AS3MT: variants seen among roughly 807,000 people sequenced by gnomAD.
The protein encoded by AS3MT is S-adenosyl-L-methionine:arsenic(III) methyltransferase.
Under a neutral mutation model 45.3 loss-of-function variants are expected in AS3MT, and 47 were observed. The observed-to-expected ratio is 1.04, with a 90% confidence interval of 0.82 to 1.32. AS3MT has a LOEUF of 1.32. AS3MT is among the 40% of genes most tolerant of loss of function. The pLI, the probability that AS3MT is intolerant of heterozygous loss-of-function variation, is 0.00. For synonymous variants in AS3MT, 141 were observed against 152.8 expected, an observed-to-expected ratio of 0.92 and a Z score of 0.57; for missense variants, 396 against 451.1, an observed-to-expected ratio of 0.88 and a Z score of 1.11.
intron 3 of AS3MT, 110 bp from the exon 4 acceptor site, chr10:102,872,338 G>A (rs574687813): frequency 1.8e-5 from 21 of 1,158,608 alleles, no homozygotes; most frequent in Non-Finnish European, 2.6e-5. Flanking sequence ...AAGAAAGAAG[G>A]AAGGAAGGAA....
chr10:102,869,962 T>G (rs1844650219), intron 2 of AS3MT, 117 bp downstream of exon 2: 1 of 1,563,326 alleles, frequency 6.4e-7, no homozygotes, highest in East Asian at 2.2e-5. Context: ...GGTCTAGGCT[T>G]CGACCTTTCC....
chr10:102,872,118 C>G (rs187478024), intron 3 of AS3MT, among the ~76,000 whole-genome samples: 2 of 152,284 alleles, frequency 1.3e-5, no homozygotes, highest in East Asian at 3.9e-4. Flanking sequence ...CTCCTTGCCT[C>G]AAGCGATCCG....
Position 102,873,239 on chromosome 10 carries a change from T to A in AS3MT, c.458+6T>A. 1.3e-6 allele frequency: 2 copies of A among 1,577,548 alleles called. No homozygotes were observed. Among genetic ancestry groups the A allele is most frequent in the Non-Finnish European group, 1.7e-6 (2 of 1,168,212 alleles). Reference sequence around the variant, plus strand: ...GAGAGCCATGATATTGTTGTGTAGGTCTATATTCTTACTGTTATGACTATA... The same window carrying A: ...GAGAGCCATGATATTGTTGTGTAGGACTATATTCTTACTGTTATGACTATA... On this transcript the variant is annotated splice_donor_region_variant and intron_variant, in intron 5 of 10. Transcript: ENST00000369880.
chr10:102,878,003 G>A (rs753365258), intron 7 of AS3MT, among the ~76,000 whole-genome samples: 3 of 151,802 alleles, frequency 2.0e-5, no homozygotes, highest in African/African-American at 4.8e-5. Context: ...TGCCCACCTC[G>A]GCCTCCCAAA....
intron 9 of AS3MT, among the ~76,000 whole-genome samples, chr10:102,880,733 A>G (rs1259123480): frequency 2.0e-5 from 3 of 152,202 alleles, no homozygotes; most frequent in African/African-American, 7.2e-5. Flanking sequence ...GAAATTTTCA[A>G]TCAACAACAT....
intron 9 of AS3MT, 63 bp from the exon 10 acceptor site, chr10:102,890,481 A>C: frequency 3.5e-6 from 5 of 1,416,686 alleles, no homozygotes; most frequent in Non-Finnish European, 4.8e-6. Flanking sequence ...ACTTCTGGGC[A>C]TTTTTTCTTC....
intron 6 of AS3MT, 56 bp downstream of exon 6, chr10:102,874,717 A>G (rs3740394): frequency 0.099 from 127,647 of 1,292,182 alleles, 7,057 homozygotes; most frequent in Middle Eastern, 0.19. Context: ...CTGATGGGTT[A>G]AGTCTTGTTT....
intron 6 of AS3MT, among the ~76,000 whole-genome samples, chr10:102,876,499 A>G (rs1227229821): frequency 6.6e-6 from 1 of 152,026 alleles, no homozygotes; most frequent in Non-Finnish European, 1.5e-5. Flanking sequence ...GCTAGTCTCA[A>G]ACTGCTCTCC....
chr10:102,894,614 T>A (rs1208943050), intron 10 of AS3MT, among the ~76,000 whole-genome samples: 2 of 152,168 alleles, frequency 1.3e-5, no homozygotes, highest in Non-Finnish European at 2.9e-5. Flanking sequence ...CAGACACTGC[T>A]GACCAGCATT....
At chr10:102,884,237 C>A (rs1157148346) in intron 9 of AS3MT, among the ~76,000 whole-genome samples, 1 of 152,048 alleles carries the variant, frequency 6.6e-6, no homozygotes, top group Admixed American at 6.6e-5. Flanking sequence ...GCTTCAGCCT[C>A]CCAAAGTGCT....
At chr10:102,875,754 C>G (rs1340014246) in intron 6 of AS3MT, among the ~76,000 whole-genome samples, 2 of 151,976 alleles carry the variant, frequency 1.3e-5, no homozygotes, top group Non-Finnish European at 2.9e-5. Flanking sequence ...TCCCTAGTAG[C>G]TGGGACTACA....
rs760424988 is a variant in AS3MT at position 102,878,947 on chromosome 10, G to C, written c.841G>C (p.Gly281Arg). Reference protein sequence around the residue: ...CQVIYNGGITGHEKELMFDAN... With the variant: ...CQVIYNGGITRHEKELMFDAN... ...AGTTATTTACAATGGAGGAATTACA[G>C]GACATGAAAAAGAACTAATGTTTGA... The change falls in exon 9 of 11, where the codon GGA becomes CGA. Residue 281 changes from glycine (G) to arginine (R), a missense_variant. Transcript: ENST00000369880. 2.5e-6 allele frequency: 4 copies of C among 1,613,556 alleles called. No homozygotes were observed. The South Asian group carries it at 3.3e-5, about 13-fold the overall frequency.
At chr10:102,893,028 A>ATAAATAAATAAT (rs1845099490) in intron 10 of AS3MT, among the ~76,000 whole-genome samples, 2 of 146,114 alleles carry the variant, frequency 1.4e-5, no homozygotes, top group African/African-American at 5.0e-5. Context: ...AAATAAATAA[A>ATAAATAAATAAT]TAATTTTAGA....
chr10:102,871,250 A>G (rs977295160), intron 3 of AS3MT, among the ~76,000 whole-genome samples: 11 of 151,056 alleles, frequency 7.3e-5, no homozygotes, highest in Admixed American at 6.6e-5. Flanking sequence ...TCAAAACAAA[A>G]CAAAACAAAA....
intron 3 of AS3MT, among the ~76,000 whole-genome samples, chr10:102,871,479 G>A (rs1479975963): frequency 1.4e-5 from 2 of 147,412 alleles, no homozygotes; most frequent in Non-Finnish European, 3.0e-5. Context: ...CCCGGGAGGC[G>A]GAGCTTGCAG....
At position 102,881,091 on chromosome 10, in the gene AS3MT, A is replaced by G. The variant is rs1282209736; in HGVS notation, c.885+2100A>G. ...ATTCTGCTTTATGATGTTTATCTGAATAATCTGGACAAATTCTCATTCTGG... is the reference window on the plus strand; with the variant it reads ...ATTCTGCTTTATGATGTTTATCTGAGTAATCTGGACAAATTCTCATTCTGG... On this transcript the variant is annotated intron_variant, in intron 9 of 10. Transcript: ENST00000369880. The surrounding 1 kb of genome is among the most constrained non-coding windows in gnomAD (Gnocchi z 4.2). Among the ~76,000 whole-genome samples, 3 of 152,200 alleles carry G rather than the reference A, an allele frequency of 2.0e-5. 1 individual carries two copies. Among genetic ancestry groups the G allele is most frequent in the Non-Finnish European group, 4.4e-5 (3 of 68,040 alleles).
intron 9 of AS3MT, among the ~76,000 whole-genome samples, chr10:102,889,223 C>T (rs1394740845): frequency 6.6e-6 from 1 of 152,040 alleles, no homozygotes; most frequent in Non-Finnish European, 1.5e-5. Context: ...ATCAACTTCT[C>T]TTTATCTCCC....
chr10:102,900,161 T>C (rs1441749887), intron 10 of AS3MT, among the ~76,000 whole-genome samples: 7 of 152,272 alleles, frequency 4.6e-5, no homozygotes, highest in African/African-American at 1.7e-4. Flanking sequence ...CATCTGAGCA[T>C]CAGCAATTGC....
At chr10:102,892,362 C>T (rs1845084251) in intron 10 of AS3MT, among the ~76,000 whole-genome samples, 1 of 152,132 alleles carries the variant, frequency 6.6e-6, no homozygotes, top group Admixed American at 6.6e-5. Flanking sequence ...AAGCACTCTT[C>T]TCTAGGCCCA....
Sources: allele counts gnomAD v4.1 joint callset (sites outside exome capture counted in the v4.1 genomes callset), GRCh38; gene constraint gnomAD v4.1.1; non-coding constraint Gnocchi (gnomAD v3.1); transcripts MANE v1.5; gene names NCBI Gene and HGNC (gene_info 2026-07-23, HGNC 2026-07-21).